The following RTL4 variants were observed in gnomAD, a reference collection of about 807,000 sequenced individuals.
RTL4 encodes the protein retrotransposon Gag like 4, also known as retrotransposon Gag-like protein 4.
Under a neutral mutation model 5.3 loss-of-function variants are expected in RTL4, and 4 were observed. That is an observed-to-expected ratio of 0.75 (90% CI 0.37 to 1.72). RTL4 has a LOEUF of 1.72. Ranked by LOEUF, RTL4 falls within the 40% of genes most tolerant of loss-of-function variation. The probability of loss-of-function intolerance (pLI) is 0.04; values close to 1 mark genes in which losing one functional copy is unlikely to be tolerated. For synonymous variants in RTL4, 98 were observed against 87.3 expected (o/e 1.12, Z -0.68); for missense variants, 260 against 227.1 (o/e 1.14, Z -0.93).
At chrX:112,337,418 G>T in the RTL4 span, among the ~76,000 whole-genome samples, 5 of 110,140 alleles carry the variant, frequency 4.5e-5, no homozygotes, top group Non-Finnish European at 9.5e-5. Context: ...CAAGTAGCTG[G>T]GATTACAGGC....
the RTL4 span, among the ~76,000 whole-genome samples, chrX:112,398,789 C>G: frequency 3.6e-5 from 4 of 111,737 alleles, no homozygotes; most frequent in South Asian, 1.1e-3. Flanking sequence ...TCTTGTAAAG[C>G]CTTTGTTTTT....
At chrX:112,434,545 T>C in the RTL4 span, among the ~76,000 whole-genome samples, 2 of 112,024 alleles carry the variant, frequency 1.8e-5, no homozygotes, top group East Asian at 5.7e-4. Context: ...TATTCTCTGA[T>C]GGTAGTTTGT....
At chrX:112,109,827 T>C in the RTL4 span, among the ~76,000 whole-genome samples, 1 of 111,382 alleles carries the variant, frequency 9.0e-6, no homozygotes, top group African/African-American at 3.3e-5. Flanking sequence ...TTCTGCTGGA[T>C]AGGGGCGAAG....
the RTL4 span, among the ~76,000 whole-genome samples, chrX:112,296,407 A>G: frequency 4.9e-3 from 546 of 110,682 alleles, 2 homozygotes; most frequent in Non-Finnish European, 5.0e-3. Context: ...AGTTCCTTTT[A>G]GCTACATTAC....
chrX:112,257,086 A>G, the RTL4 span, among the ~76,000 whole-genome samples: 2 of 112,138 alleles, frequency 1.8e-5, no homozygotes, highest in Admixed American at 1.9e-4. Flanking sequence ...TTTCAAAGAT[A>G]TCACCCATCA....
the RTL4 span, among the ~76,000 whole-genome samples, chrX:112,271,816 A>G: frequency 8.9e-6 from 1 of 112,091 alleles, no homozygotes; most frequent in African/African-American, 3.2e-5. Flanking sequence ...ACAGGCATAC[A>G]ATACATAACA....
chrX:112,441,051 A>T, the RTL4 span, among the ~76,000 whole-genome samples: 1 of 111,660 alleles, frequency 9.0e-6, no homozygotes, highest in Non-Finnish European at 1.9e-5. Flanking sequence ...TTTTGATATT[A>T]TGAGCTTCAC....
At chrX:112,155,144 A>G in the RTL4 span, among the ~76,000 whole-genome samples, 2 of 110,610 alleles carry the variant, frequency 1.8e-5, no homozygotes, top group Admixed American at 9.7e-5. Context: ...CAGAACTGAG[A>G]AATAAATTTC....
At chrX:112,341,967 A>T in the RTL4 span, among the ~76,000 whole-genome samples, 3 of 111,457 alleles carry the variant, frequency 2.7e-5, no homozygotes, top group Admixed American at 2.9e-4. Context: ...ACTAATAATA[A>T]CTTTAATGTA....
At chrX:112,263,436 A>T in the RTL4 span, among the ~76,000 whole-genome samples, 1 of 111,348 alleles carries the variant, frequency 9.0e-6, no homozygotes, top group Non-Finnish European at 1.9e-5. Flanking sequence ...CAAAGAAGTC[A>T]AAGAAAGAGA....
At chrX:112,271,559 T>C in the RTL4 span, among the ~76,000 whole-genome samples, 2 of 110,502 alleles carry the variant, frequency 1.8e-5, no homozygotes, top group African/African-American at 6.6e-5. Flanking sequence ...TCTGAGCAAT[T>C]AAAAAAAAAG....
the RTL4 span, among the ~76,000 whole-genome samples, chrX:112,447,093 T>A: frequency 4.5e-5 from 5 of 110,847 alleles, no homozygotes; most frequent in East Asian, 2.9e-4. Context: ...CTGCAATAAC[T>A]AATTGCAAGT....
At chrX:112,265,445 G>C in the RTL4 span, among the ~76,000 whole-genome samples, 1 of 111,918 alleles carries the variant, frequency 8.9e-6, no homozygotes. Flanking sequence ...TTTTCCTCCT[G>C]TTAAAACAAC....
the RTL4 span, among the ~76,000 whole-genome samples, chrX:112,254,509 T>C: frequency 1.8e-5 from 2 of 110,408 alleles, no homozygotes; most frequent in African/African-American, 6.6e-5. Flanking sequence ...TTTGTATTTT[T>C]AGTAGACGGG....
the RTL4 span, among the ~76,000 whole-genome samples, chrX:112,434,037 A>T: frequency 1.0e-5 from 1 of 98,450 alleles, no homozygotes; most frequent in Non-Finnish European, 2.1e-5. Flanking sequence ...GATTACATTT[A>T]TTGATTTGCG....
At chrX:112,380,199 C>A in the RTL4 span, among the ~76,000 whole-genome samples, 1 of 106,312 alleles carries the variant, frequency 9.4e-6, no homozygotes, top group African/African-American at 3.6e-5. Context: ...CAGGCTGGAG[C>A]GCAGTGGCAC....
At chrX:112,295,732 T>G in the RTL4 span, among the ~76,000 whole-genome samples, 2 of 112,837 alleles carry the variant, frequency 1.8e-5, no homozygotes, top group South Asian at 7.3e-4. Flanking sequence ...TGGGTCTATT[T>G]CCATTCCTGC....
chrX:112,415,052 A>G, the RTL4 span, among the ~76,000 whole-genome samples: 8 of 111,609 alleles, frequency 7.2e-5, no homozygotes, highest in Non-Finnish European at 1.5e-4. Context: ...GCTAGGTCAA[A>G]TGGTACAAAT....
chrX:112,444,302 G>A, the RTL4 span, among the ~76,000 whole-genome samples: 3 of 111,486 alleles, frequency 2.7e-5, no homozygotes, highest in Non-Finnish European at 5.7e-5. Flanking sequence ...ATTGGCCAAC[G>A]TTTCTGTTTT....
Sources: allele counts gnomAD v4.1 joint callset (sites outside exome capture counted in the v4.1 genomes callset), GRCh38; gene constraint gnomAD v4.1.1; transcripts MANE v1.5; gene names NCBI Gene and HGNC (gene_info 2026-07-23, HGNC 2026-07-21).